DCDC1: variants seen among roughly 807,000 people sequenced by gnomAD.
DCDC1 encodes the protein doublecortin domain-containing protein 1.
A neutral mutation model predicts 178.3 loss-of-function variants in DCDC1; 200 were observed. The ratio of observed to expected loss-of-function variants is 1.12; its 90% CI spans 1.00 to 1.26. The LOEUF is 1.26. Ranked by LOEUF, DCDC1 falls within the 50% of genes most tolerant of loss-of-function variation. The pLI is 0.00. For missense variants in DCDC1, 1,983 were observed against 1,749.2 expected (o/e 1.13, Z -2.38); for synonymous variants, 690 against 604.8 (o/e 1.14, Z -2.07).
chr11:31,168,400 T>C (rs986110714), intron 9 of DCDC1, among the ~76,000 whole-genome samples: 2 of 152,316 alleles, frequency 1.3e-5, no homozygotes, highest in East Asian at 1.9e-4. Context: ...CCAATAATTA[T>C]TTGATATTTG....
At chr11:31,213,239 G>C (rs1042789679) in intron 9 of DCDC1, among the ~76,000 whole-genome samples, 14 of 147,754 alleles carry the variant, frequency 9.5e-5, no homozygotes, top group South Asian at 4.3e-4. Context: ...CCCCAGTCTG[G>C]TTGGATATTT....
intron 20 of DCDC1, among the ~76,000 whole-genome samples, chr11:31,002,301 C>T (rs1239637953): frequency 6.6e-6 from 1 of 152,222 alleles, no homozygotes; most frequent in Non-Finnish European, 1.5e-5. Flanking sequence ...CCTATCAAAG[C>T]ATAACCAAAG....
intron 15 of DCDC1, among the ~76,000 whole-genome samples, chr11:31,094,647 A>C (rs1958035610): frequency 6.6e-6 from 1 of 152,316 alleles, no homozygotes; most frequent in Non-Finnish European, 1.5e-5. Context: ...AAGAATAAAA[A>C]GGTATTCCAA....
At chr11:30,899,736 C>G in intron 33 of DCDC1, 94 bp from the exon 34 acceptor site, 1 of 877,422 alleles carries the variant, frequency 1.1e-6, no homozygotes, top group South Asian at 3.1e-5. Flanking sequence ...GAAATAGATT[C>G]AATTAGAAAC....
chr11:31,279,400 T>G (rs1299020762), intron 7 of DCDC1, among the ~76,000 whole-genome samples: 2 of 152,144 alleles, frequency 1.3e-5, no homozygotes, highest in Non-Finnish European at 2.9e-5. Flanking sequence ...TTGACTTAGA[T>G]TGTAAAGAGT....
At chr11:31,269,797 C>T (rs532108083) in intron 7 of DCDC1, among the ~76,000 whole-genome samples, 121 of 152,262 alleles carry the variant, frequency 7.9e-4, no homozygotes, top group Non-Finnish European at 1.5e-3. Context: ...AAATATTCCA[C>T]AATGTTTTCA....
At chr11:30,946,726 G>T (rs937626370) in intron 21 of DCDC1, among the ~76,000 whole-genome samples, 5 of 152,152 alleles carry the variant, frequency 3.3e-5, no homozygotes, top group African/African-American at 1.2e-4. Context: ...ACTCTCTGCT[G>T]CAAACAACTA....
At chr11:31,129,713 G>T (rs953406555) in intron 10 of DCDC1, among the ~76,000 whole-genome samples, 2 of 151,682 alleles carry the variant, frequency 1.3e-5, no homozygotes, top group Admixed American at 6.6e-5. Context: ...CCCCAGTTTG[G>T]ATTAACAAAA....
chr11:30,968,131 G>A (rs1315871097), intron 20 of DCDC1, among the ~76,000 whole-genome samples: 1 of 152,126 alleles, frequency 6.6e-6, no homozygotes, highest in African/African-American at 2.4e-5. Context: ...AGTTTGGTGA[G>A]CAGGATGGGC....
rs1181689381 is a variant in DCDC1 at position 31,226,495 on chromosome 11, CA to C, written c.1221+14954del. On this transcript the variant is annotated intron_variant, in intron 9 of 38. Transcript: ENST00000684477. ...AAAAGACACTTCATGATCAAACTGC[CA>C]AAAAAAAAAGTGATCAATATAAATT... Among the ~76,000 whole-genome samples the C allele has an allele frequency of 7.3e-3, 1,030 of 140,870 alleles. 13 individuals carry two copies. The highest frequency in any genetic ancestry group is 0.025 in the African/African-American group (953 of 38,476). 92.4% of individuals were successfully genotyped at this position (140,870 alleles called of 152,430 possible).
At position 31,343,134 on chromosome 11, in the gene DCDC1, G is replaced by A. The variant is rs564133742; in HGVS notation, c.-124-7570C>T. 3.9e-5 allele frequency among the ~76,000 whole-genome samples: 6 copies of A among 152,138 alleles called. No individual in the cohort carries two copies. In the South Asian group the frequency reaches 6.2e-4, roughly 16 times the overall value. ...AAAATTTTAAAATATTAGCCAGGCC[G>A]AGTGGTGCATGCCTGTAGTCCTAGC... is the stretch of plus-strand genomic sequence containing the variant. On this transcript the variant is annotated intron_variant, in intron 1 of 38. Coordinates refer to ENST00000684477, the MANE Select transcript of DCDC1 (RefSeq NM_001387274.1).
chr11:30,946,400 T>C (rs1948058812), intron 21 of DCDC1, among the ~76,000 whole-genome samples: 1 of 152,058 alleles, frequency 6.6e-6, no homozygotes, highest in African/African-American at 2.4e-5. Context: ...AAACCCTGAG[T>C]TTCAAACATA....
At chr11:30,980,490 C>T (rs931985187) in intron 20 of DCDC1, among the ~76,000 whole-genome samples, 5 of 152,082 alleles carry the variant, frequency 3.3e-5, no homozygotes, top group African/African-American at 7.2e-5. Flanking sequence ...CAAGAGATAG[C>T]TCTGTCAGGC....
intron 20 of DCDC1, among the ~76,000 whole-genome samples, chr11:31,061,528 G>C (rs1167198577): frequency 1.3e-5 from 2 of 151,902 alleles, no homozygotes; most frequent in African/African-American, 4.8e-5. Flanking sequence ...GAGGCAGAGG[G>C]GGAAGAATGT....
At chr11:30,983,293 C>A (rs905064376) in intron 20 of DCDC1, among the ~76,000 whole-genome samples, 18 of 152,256 alleles carry the variant, frequency 1.2e-4, no homozygotes, top group African/African-American at 4.3e-4. Flanking sequence ...ATACACCAAC[C>A]ATTACATGTC....
intron 38 of DCDC1, among the ~76,000 whole-genome samples, chr11:30,875,072 T>G (rs1285009526): frequency 3.9e-5 from 6 of 152,182 alleles, no homozygotes. Flanking sequence ...GTGACAGCCT[T>G]GATAGTAGTT....
rs376339511 is a variant in DCDC1, at chr11:31,013,169, CTGTT to C, written c.2591+51296_2591+51299del. ...TTCTCCAGCATTGCTGTTTAATTCACTGTTTGTCCTTCTGTAAAATATCTTTCTA... is the reference window on the plus strand; with the variant it reads ...TTCTCCAGCATTGCTGTTTAATTCACTGTCCTTCTGTAAAATATCTTTCTA... On this transcript the variant is annotated intron_variant, in intron 20 of 38. Coordinates refer to ENST00000684477, the MANE Select transcript of DCDC1 (RefSeq NM_001387274.1). 5.3e-4 allele frequency among the ~76,000 whole-genome samples: 81 copies of C among 152,262 alleles called. 1 individual carries two copies. The East Asian group carries it at 0.015, about 28-fold the overall frequency.
rs1565054035 is a variant in DCDC1 at position 30,905,132 on chromosome 11, AG to A, written c.4136del (p.Thr1379IlefsTer2). 1 of 1,609,718 alleles carries A rather than the reference AG, an allele frequency of 6.2e-7. No homozygotes were observed. The highest frequency in any genetic ancestry group is 1.7e-5 in the Admixed American group (1 of 59,194). On this transcript the variant is annotated frameshift_variant, in exon 31 of 39. Coordinates refer to ENST00000684477, the MANE Select transcript of DCDC1 (RefSeq NM_001387274.1). LOFTEE classifies it high-confidence loss of function. ...ATAGACGTGCTTGGTAGTAACTTAG[AG>A]TTTTTTCAGCCTTGTCACACGACAA... The part of the protein sequence containing the change: ...VDLSCDKAEK[T>X]LSYYQARLLS...
At chr11:31,237,239 G>A (rs1976571552) in intron 9 of DCDC1, among the ~76,000 whole-genome samples, 1 of 151,800 alleles carries the variant, frequency 6.6e-6, no homozygotes, top group South Asian at 2.1e-4. Flanking sequence ...TGCTTTGGTA[G>A]AGCTTAGTTT....
Sources: allele counts gnomAD v4.1 joint callset (sites outside exome capture counted in the v4.1 genomes callset), GRCh38; gene constraint gnomAD v4.1.1; transcripts MANE v1.5; gene names NCBI Gene and HGNC (gene_info 2026-07-23, HGNC 2026-07-21).